ZNF345: variants seen among roughly 807,000 people sequenced by gnomAD.
ZNF345 encodes the protein zinc finger protein 345, also known as zinc finger protein HZF10.
For synonymous variants in ZNF345, 166 were observed against 187.9 expected (o/e 0.88, Z 0.95); for missense variants, 527 against 589.9 (o/e 0.89, Z 1.10).
intron 2 of ZNF345, among the ~76,000 whole-genome samples, chr19:36,872,333 T>C (rs993828876): frequency 3.9e-5 from 6 of 152,118 alleles, no homozygotes; most frequent in African/African-American, 1.4e-4. Context: ...ATGTTGAAAT[T>C]TTCCCCCCAT....
At chr19:36,884,884 C>T (rs189739304) in intron 3 of ZNF345, among the ~76,000 whole-genome samples, 6 of 152,274 alleles carry the variant, frequency 3.9e-5, no homozygotes, top group Admixed American at 1.3e-4. Context: ...CAGGAATATA[C>T]TTTGACTTAC....
chr19:36,885,601 A>G (rs1490785584), intron 3 of ZNF345, among the ~76,000 whole-genome samples: 1 of 151,838 alleles, frequency 6.6e-6, no homozygotes, highest in East Asian at 1.9e-4. Context: ...CATGCCTACA[A>G]ACTTATGAAG....
intron 2 of ZNF345, among the ~76,000 whole-genome samples, chr19:36,867,658 T>TAAC (rs1445103206): frequency 1.3e-5 from 2 of 152,360 alleles, no homozygotes; most frequent in African/African-American, 4.8e-5. Flanking sequence ...CACTTCTGTT[T>TAAC]AGGTTGTTGA....
intron 2 of ZNF345, among the ~76,000 whole-genome samples, chr19:36,874,230 A>T (rs556528030): frequency 3.5e-4 from 53 of 152,348 alleles, no homozygotes; most frequent in African/African-American, 1.3e-3. Flanking sequence ...ATGGTGGCTC[A>T]TGCCTGTTAT....
chr19:36,861,546 T>G (rs968808961), intron 2 of ZNF345, among the ~76,000 whole-genome samples: 12 of 152,082 alleles, frequency 7.9e-5, no homozygotes, highest in Non-Finnish European at 1.6e-4. Flanking sequence ...ATAGTTCTCT[T>G]TATCTTTTTA....
chr19:36,891,686 GA>G (rs1260734440), intron 3 of ZNF345: 6 of 1,613,638 alleles, frequency 3.7e-6, no homozygotes, highest in Non-Finnish European at 5.1e-6. Flanking sequence ...CTCTGATGTT[GA>G]ATAAGTTCTG....
intron 2 of ZNF345, among the ~76,000 whole-genome samples, chr19:36,871,777 G>T (rs564232052): frequency 8.2e-4 from 125 of 151,674 alleles, no homozygotes; most frequent in African/African-American, 2.6e-3. Flanking sequence ...AATTTTTTTG[G>T]TTTTTTTGAG....
intron 2 of ZNF345, among the ~76,000 whole-genome samples, chr19:36,855,916 C>G (rs374549928): frequency 5.3e-5 from 8 of 152,350 alleles, no homozygotes; most frequent in African/African-American, 1.9e-4. Context: ...TTTACCCACA[C>G]TAGCCTTATC....
intron 2 of ZNF345, among the ~76,000 whole-genome samples, chr19:36,872,254 C>T (rs941567055): frequency 1.3e-5 from 2 of 152,102 alleles, no homozygotes; most frequent in African/African-American, 4.8e-5. Flanking sequence ...TTGGGAGGAA[C>T]ATATTGTCAG....
At chr19:36,855,000 C>G (rs1372132249) in intron 2 of ZNF345, among the ~76,000 whole-genome samples, 1 of 151,664 alleles carries the variant, frequency 6.6e-6, no homozygotes, top group African/African-American at 2.4e-5. Context: ...TACACGCACC[C>G]GCCACCATGC....
At chr19:36,863,411 T>C (rs1055527150) in intron 2 of ZNF345, among the ~76,000 whole-genome samples, 5 of 152,234 alleles carry the variant, frequency 3.3e-5, no homozygotes, top group African/African-American at 1.2e-4. Flanking sequence ...GTTTCTCAAA[T>C]GCTGGATTGC....
chr19:36,873,503 A>G (rs2072812791), intron 2 of ZNF345, among the ~76,000 whole-genome samples: 2 of 152,186 alleles, frequency 1.3e-5, no homozygotes, highest in Admixed American at 6.5e-5. Context: ...AAGAGCACCT[A>G]AAAATCTACT....
At chr19:36,862,534 C>T (rs1287731661) in intron 2 of ZNF345, among the ~76,000 whole-genome samples, 2 of 151,624 alleles carry the variant, frequency 1.3e-5, no homozygotes, top group Non-Finnish European at 2.9e-5. Flanking sequence ...AGTGGTGGTG[C>T]ACACCTGTAG....
intron 2 of ZNF345, among the ~76,000 whole-genome samples, chr19:36,861,395 G>A (rs901786569): frequency 6.6e-6 from 1 of 152,138 alleles, no homozygotes; most frequent in African/African-American, 2.4e-5. Context: ...TCCTTCTGTA[G>A]TAGTAAGAAA....
chr19:36,876,940 A>C lies in ZNF345; in HGVS notation c.110A>C (p.Glu37Ala). Residue 37 changes from glutamate (E) to alanine (A), a missense_variant, in exon 3 of 3, where the codon GAA becomes GCA. Physicochemically the swap from Glu to Ala is moderately radical, Grantham distance 107. Transcript: ENST00000420450. ...GGATCTCAGGAAGGACATTTCAGTG[A>C]AATGATATTTACTCCTGAAGACATG... ...KQGSQEGHFS[E>A]MIFTPEDMPT... The C allele has an allele frequency of 6.2e-7, 1 of 1,614,180 alleles. No individual in the cohort carries two copies. The highest frequency in any genetic ancestry group is 1.3e-5 in the African/African-American group (1 of 75,056).
rs915624296 is a variant in ZNF345, at chr19:36,871,839, C to G, written c.-46-4946C>G. Among the ~76,000 whole-genome samples the G allele has an allele frequency of 2.6e-5, 4 of 152,088 alleles. No individual in the cohort carries two copies. In the East Asian group the frequency reaches 7.7e-4, roughly 29 times the overall value. ...CTGGAGTGCAATGGTACGATCTTGT[C>G]TTACCACAACCTCCGCCTCCTGGGT... is the stretch of plus-strand genomic sequence containing the variant. On this transcript the variant is annotated intron_variant, in intron 2 of 2. Transcript: ENST00000420450.
chr19:36,883,903 T>A (rs971606183), downstream of ZNF345, among the ~76,000 whole-genome samples: 2 of 152,162 alleles, frequency 1.3e-5, no homozygotes, highest in East Asian at 3.9e-4. Context: ...TCCACAAGAC[T>A]GCCCTCATTT....
chr19:36,884,059 A>C (rs2072983186), downstream of ZNF345, among the ~76,000 whole-genome samples: 1 of 134,602 alleles, frequency 7.4e-6, no homozygotes, highest in South Asian at 2.2e-4. Context: ...CTATGATTAC[A>C]ACTTATTTAT....
chr19:36,854,433 C>T (rs957505134), intron 2 of ZNF345: 2 of 152,092 alleles, frequency 1.3e-5, no homozygotes, highest in Non-Finnish European at 2.9e-5. Context: ...TTTAAATGCA[C>T]CTTATTCTTT....
Sources: gnomAD v4.1 joint callset for allele counts (sites outside exome capture counted in the v4.1 genomes callset) on GRCh38, gnomAD v4.1.1 for gene constraint, MANE v1.5 for transcripts, NCBI Gene and HGNC (gene_info 2026-07-23, HGNC 2026-07-21) for gene names.